Variants in RBFOX1 observed in about 807,000 individuals in gnomAD.
RBFOX1 encodes the protein RNA binding protein fox-1 homolog 1.
In RBFOX1, 8 loss-of-function variants were observed where a neutral mutation model predicts 57.7. The observed-to-expected ratio is 0.14, with a 90% CI of 0.08 to 0.25. RBFOX1 has a LOEUF of 0.25. Ranked by LOEUF, RBFOX1 falls within the 10% of genes least tolerant of loss-of-function variation. RBFOX1 has a pLI of 1.00. For missense variants in RBFOX1, 611 were observed against 548.5 expected (o/e 1.11, Z -1.14); for synonymous variants, 326 against 222.4 (o/e 1.47, Z -4.15).
chr16:6,673,288 C>T lies in RBFOX1; in HGVS notation c.-16+18638C>T, dbSNP rs1282150645. On this transcript the variant is annotated intron_variant, in intron 3 of 15. Transcript: ENST00000550418. ...CCTGTACGAAGTTGCAAGTACCAGT[C>T]ATTCAAAAATGTATTGAGGCCAGGC... 5.9e-5 allele frequency among the ~76,000 whole-genome samples: 9 copies of T among 152,112 alleles called. No homozygotes were observed. The East Asian group carries it at 1.7e-3, about 29-fold the overall frequency.
chr16:7,681,757 G>T (rs951732272), intron 14 of RBFOX1, among the ~76,000 whole-genome samples: 1 of 151,858 alleles, frequency 6.6e-6, no homozygotes, highest in African/African-American at 2.4e-5. Flanking sequence ...AGTTTAACCT[G>T]TGGATAATTT....
chr16:7,304,744 G>A (rs1191580283), intron 4 of RBFOX1, among the ~76,000 whole-genome samples: 2 of 152,306 alleles, frequency 1.3e-5, no homozygotes, highest in Middle Eastern at 3.4e-3. Flanking sequence ...ATGGAAAACT[G>A]CCTTTTCCTT....
Position 6,450,804 on chromosome 16 carries a change from T to TATATATATAC in RBFOX1, c.-64+133756_-64+133757insCATATATATA, listed in dbSNP as rs1567303204. ...ATATATATATACATATATATATGTA[T>TATATATATAC]ATATATATATATACATATATATATA... On this transcript the variant is annotated intron_variant, in intron 2 of 15. Transcript: ENST00000550418. Among the ~76,000 whole-genome samples, 11 of 10,414 alleles carry TATATATATAC rather than the reference T, an allele frequency of 1.1e-3. 1 individual carries two copies. In the East Asian group the frequency reaches 0.034, roughly 32 times the overall value. 6.8% of individuals were successfully genotyped at this position (10,414 alleles called of 152,430 possible). A position where few individuals can be genotyped will look rare whatever the true frequency, so the allele number is the denominator to read the frequency against.
At chr16:6,356,299 C>T (rs2087306672) in intron 2 of RBFOX1, among the ~76,000 whole-genome samples, 1 of 152,180 alleles carries the variant, frequency 6.6e-6, no homozygotes, top group South Asian at 2.1e-4. Flanking sequence ...CCTCAGCCAA[C>T]AGATCAGGGT....
chr16:7,668,967 G>A (rs1430120448), intron 13 of RBFOX1, among the ~76,000 whole-genome samples: 27 of 152,146 alleles, frequency 1.8e-4, no homozygotes, highest in Admixed American at 1.4e-3. Flanking sequence ...ACAGTAGCAC[G>A]ATCTCAGCTC....
intron 2 of RBFOX1, among the ~76,000 whole-genome samples, chr16:6,408,662 G>C (rs1365555996): frequency 6.6e-6 from 1 of 152,100 alleles, no homozygotes; most frequent in Non-Finnish European, 1.5e-5. Context: ...CTCTGACACC[G>C]TAGTGTTATG....
At chr16:7,702,533 T>C (rs1319788234) in intron 14 of RBFOX1, among the ~76,000 whole-genome samples, 8 of 152,214 alleles carry the variant, frequency 5.3e-5, no homozygotes, top group Admixed American at 4.6e-4. Flanking sequence ...CAGTTTATGA[T>C]TGACAACGGA....
chr16:7,002,006 T>C (rs553207245), intron 3 of RBFOX1, among the ~76,000 whole-genome samples: 1 of 152,230 alleles, frequency 6.6e-6, no homozygotes, highest in Admixed American at 6.5e-5. Flanking sequence ...AGAGTGACAG[T>C]ATCCCTGGGC....
chr16:7,367,567 T>C (rs902052745), intron 4 of RBFOX1, among the ~76,000 whole-genome samples: 2 of 152,148 alleles, frequency 1.3e-5, no homozygotes, highest in Admixed American at 6.5e-5. Flanking sequence ...ATGGAAGAGA[T>C]GGAAATCTAA....
intron 3 of RBFOX1, among the ~76,000 whole-genome samples, chr16:6,774,661 G>T (rs770491988): frequency 6.6e-6 from 1 of 152,070 alleles, no homozygotes; most frequent in Non-Finnish European, 1.5e-5. Context: ...AATATATAGA[G>T]TATTCTTGAC....
chr16:7,350,529 T>C (rs761652511), intron 4 of RBFOX1, among the ~76,000 whole-genome samples: 7 of 152,176 alleles, frequency 4.6e-5, no homozygotes, highest in Non-Finnish European at 7.3e-5. Flanking sequence ...TATGATCTGA[T>C]TGTATCATGT....
At chr16:6,156,173 T>G (rs2096837015) in intron 1 of RBFOX1, among the ~76,000 whole-genome samples, 1 of 152,202 alleles carries the variant, frequency 6.6e-6, no homozygotes, top group African/African-American at 2.4e-5. Context: ...TGTCCCTTTA[T>G]GTTTTTCCTA....
chr16:7,353,461 T>G (rs2097162554), intron 4 of RBFOX1, among the ~76,000 whole-genome samples: 1 of 152,196 alleles, frequency 6.6e-6, no homozygotes, highest in East Asian at 1.9e-4. Flanking sequence ...CTCCTAGGTA[T>G]ATATTCAAGA....
intron 2 of RBFOX1, among the ~76,000 whole-genome samples, chr16:6,349,497 A>T (rs1417662089): frequency 6.6e-6 from 1 of 152,244 alleles, no homozygotes; most frequent in Non-Finnish European, 1.5e-5. Context: ...ATTGTTCAAC[A>T]TCCTTTAAAA....
intron 4 of RBFOX1, among the ~76,000 whole-genome samples, chr16:7,227,101 C>G (rs201052065): frequency 6.3e-4 from 96 of 152,236 alleles, no homozygotes; most frequent in East Asian, 4.1e-3. Context: ...TTTATAGAAC[C>G]TGTTTGGTCC....
intron 3 of RBFOX1, among the ~76,000 whole-genome samples, chr16:6,780,557 C>CATAT (rs1567218604): frequency 6.7e-5 from 8 of 119,468 alleles, no homozygotes; most frequent in East Asian, 5.9e-4. Flanking sequence ...TATATATTTA[C>CATAT]ATATTTATAT....
chr16:6,524,813 C>G (rs1055187666), intron 2 of RBFOX1, among the ~76,000 whole-genome samples: 1 of 152,122 alleles, frequency 6.6e-6, no homozygotes, highest in Non-Finnish European at 1.5e-5. Context: ...CCTTCTTCCT[C>G]CATCACCTGG....
chr16:7,168,497 A>T (rs2080031793), intron 4 of RBFOX1, among the ~76,000 whole-genome samples: 1 of 152,132 alleles, frequency 6.6e-6, no homozygotes, highest in Admixed American at 6.5e-5. Flanking sequence ...CCTAATTATA[A>T]GCATCATTTG....
intron 1 of RBFOX1, among the ~76,000 whole-genome samples, chr16:6,211,188 C>CTTATTCTT (rs777911340): frequency 8.9e-4 from 81 of 91,270 alleles, no homozygotes; most frequent in Middle Eastern, 6.8e-3. Context: ...TTTTCTTCTT[C>CTTATTCTT]TTTTTTTTTT....
Sources: allele counts gnomAD v4.1 joint callset (sites outside exome capture counted in the v4.1 genomes callset), GRCh38; gene constraint gnomAD v4.1.1; transcripts MANE v1.5; gene names NCBI Gene and HGNC (gene_info 2026-07-23, HGNC 2026-07-21).